SZRD1: variants seen among roughly 807,000 people sequenced by gnomAD.
SZRD1 encodes the protein SUZ RNA-binding domain-containing.
Under a neutral mutation model 17.6 loss-of-function variants are expected in SZRD1, and 7 were observed. The ratio of observed to expected loss-of-function variants is 0.40; its 90% CI spans 0.23 to 0.75. The LOEUF is 0.75. SZRD1 is among the 30% of genes least tolerant of loss of function. The pLI, the probability that SZRD1 is intolerant of heterozygous loss-of-function variation, is 0.38. For missense variants in SZRD1, 178 were observed against 201.8 expected, an observed-to-expected ratio of 0.88 and a Z score of 0.71; for synonymous variants, 77 against 77.9, an observed-to-expected ratio of 0.99 and a Z score of 0.06.
rs1229495690 is a variant in SZRD1, at chr1:16,393,117, A to G, written c.102-111A>G. The G allele has an allele frequency of 8.5e-6, 12 of 1,414,730 alleles. No individual in the cohort carries two copies. In the Admixed American group the frequency reaches 2.1e-4, roughly 24 times the overall value. The allele number at this position is 1,414,730 out of a possible 1,614,324, so 87.6% of individuals were successfully genotyped here. ...CTGGTCAGAGGCCAGAGAATCATGCATGGGTAGAATTAGGGAGGGAGAGGA... is the reference window on the plus strand; with the variant it reads ...CTGGTCAGAGGCCAGAGAATCATGCGTGGGTAGAATTAGGGAGGGAGAGGA... On this transcript the variant is annotated intron_variant, in intron 2 of 3. Transcript: ENST00000401088. This position sits in a 1 kb window ranked among gnomAD's most constrained non-coding sequence, Gnocchi z 5.6.
chr1:16,388,198 C>G (rs996152860), intron 1 of SZRD1, among the ~76,000 whole-genome samples: 1 of 152,196 alleles, frequency 6.6e-6, no homozygotes, highest in Non-Finnish European at 1.5e-5. Context: ...ACTGCAACCT[C>G]CGTCTCCCAG....
chr1:16,380,354 G>C (rs562419948), intron 1 of SZRD1, among the ~76,000 whole-genome samples: 25 of 151,420 alleles, frequency 1.7e-4, no homozygotes, highest in African/African-American at 5.4e-4. Flanking sequence ...TCCCAGGCTG[G>C]AGTGCAGTGG....
chr1:16,393,503 C>T lies in SZRD1; in HGVS notation c.356+21C>T, dbSNP rs574033898. 42 of 1,590,098 alleles carry T rather than the reference C, an allele frequency of 2.6e-5. No individual in the cohort carries two copies. Among genetic ancestry groups the T allele is most frequent in the Middle Eastern group, 3.3e-4 (2 of 6,046 alleles). ...GACAGGTGAGTGTGGCTGGCAGGGC[C>T]GGCCAGTGATGGCTGTCCCAGTCCA... On this transcript the variant is annotated intron_variant, in intron 3 of 3. Coordinates refer to ENST00000401088, the MANE Select transcript of SZRD1 (RefSeq NM_001114600.3). This position sits in a 1 kb window ranked among gnomAD's most constrained non-coding sequence, Gnocchi z 5.6.
rs955604334 is a variant in SZRD1, at chr1:16,387,085, G to T, written c.52-4290G>T. Reference sequence around the variant, plus strand: ...GTGTGAGCAGAAAATGAATGTCTGGGGAAGAATGTTGACAGCCATAATACA... The same window carrying T: ...GTGTGAGCAGAAAATGAATGTCTGGTGAAGAATGTTGACAGCCATAATACA... On this transcript the variant is annotated intron_variant, in intron 1 of 3. Coordinates refer to ENST00000401088, the MANE Select transcript of SZRD1 (RefSeq NM_001114600.3). 14 of 319,048 alleles carry T rather than the reference G, an allele frequency of 4.4e-5. No homozygotes were observed. The Admixed American group carries it at 4.9e-4, about 11-fold the overall frequency. The allele number at this position is 319,048 out of a possible 1,614,324, so 19.8% of individuals were successfully genotyped here. A position where few individuals can be genotyped will look rare whatever the true frequency, so the allele number is the denominator to read the frequency against.
intron 1 of SZRD1, chr1:16,369,224 TA>T: frequency 1.9e-6 from 1 of 518,208 alleles, no homozygotes. Flanking sequence ...TTGCTGTTAG[TA>T]ACTAGGAGCA....
At chr1:16,378,344 G>A (rs1027944840) in intron 1 of SZRD1, among the ~76,000 whole-genome samples, 1 of 145,832 alleles carries the variant, frequency 6.9e-6, no homozygotes, top group African/African-American at 2.5e-5. Context: ...GGAGTGCAGT[G>A]GTGTGATCAG....
Position 16,370,276 on chromosome 1 carries a change from A to C in SZRD1, c.51+2968A>C, listed in dbSNP as rs142802408. ...GGTCTTACTCCATTGCCCAGGCTGG[A>C]GTGCAGTGGCTCAATCTCATCTCAC... On this transcript the variant is annotated intron_variant, in intron 1 of 3. Coordinates refer to ENST00000401088, the MANE Select transcript of SZRD1 (RefSeq NM_001114600.3). 4.7e-3 allele frequency among the ~76,000 whole-genome samples: 693 copies of C among 146,274 alleles called. 6 individuals carry two copies. The highest frequency in any genetic ancestry group is 7.2e-3 in the Non-Finnish European group (482 of 66,856).
intron 1 of SZRD1, chr1:16,387,875 T>C (rs1190660509): frequency 2.8e-6 from 1 of 358,578 alleles, no homozygotes; most frequent in African/African-American, 2.1e-5. Flanking sequence ...TACAATTCCA[T>C]CAATACAGTC....
intron 1 of SZRD1, among the ~76,000 whole-genome samples, chr1:16,379,208 C>T (rs909297262): frequency 6.6e-6 from 1 of 152,060 alleles, no homozygotes; most frequent in Admixed American, 6.6e-5. Context: ...CAAGCTCCGC[C>T]TCTGGGATTC....
intron 1 of SZRD1, among the ~76,000 whole-genome samples, chr1:16,389,469 AT>A (rs57654464): frequency 5.6e-5 from 8 of 143,420 alleles, no homozygotes; most frequent in Admixed American, 1.4e-4. Flanking sequence ...CGCCTGGCTA[AT>A]TTTTTTTTTT....
At chr1:16,376,225 C>T (rs77309698) in intron 1 of SZRD1, among the ~76,000 whole-genome samples, 5,590 of 152,294 alleles carry the variant, frequency 0.037, 126 homozygotes, top group Middle Eastern at 0.095. Context: ...TTTACATTTG[C>T]TTCTCACCAG....
chr1:16,374,473 A>G (rs76100720), intron 1 of SZRD1, among the ~76,000 whole-genome samples: 1,760 of 152,344 alleles, frequency 0.012, 32 homozygotes, highest in African/African-American at 0.039. Context: ...CTGGGTATCA[A>G]GAGAGCTGCC....
At chr1:16,379,445 C>T (rs186362430) in intron 1 of SZRD1, among the ~76,000 whole-genome samples, 1 of 152,312 alleles carries the variant, frequency 6.6e-6, no homozygotes, top group Non-Finnish European at 1.5e-5. Context: ...CATAGTTGTG[C>T]AGTCAGAGGC....
chr1:16,383,347 A>G (rs2083137530), intron 1 of SZRD1, among the ~76,000 whole-genome samples: 2 of 151,708 alleles, frequency 1.3e-5, no homozygotes, highest in South Asian at 2.1e-4. Context: ...CAGCCTCCCA[A>G]GTAGCTGGGA....
chr1:16,374,379 G>T (rs1246852147), intron 1 of SZRD1, among the ~76,000 whole-genome samples: 1 of 152,216 alleles, frequency 6.6e-6, no homozygotes, highest in Non-Finnish European at 1.5e-5. Flanking sequence ...TGGCTTCAAA[G>T]AAAGGAGGAT....
chr1:16,369,343 A>G lies in SZRD1; in HGVS notation c.51+2035A>G, dbSNP rs1014099035. The stretch of plus-strand genomic sequence containing the variant: ...GTTGATCTTGCTCTTACTCCTTTCA[A>G]TGGTCGCCATCCCTCCACCAAGGTT... On this transcript the variant is annotated intron_variant, in intron 1 of 3. Transcript: ENST00000401088. The G allele has an allele frequency of 7.1e-5, 56 of 784,882 alleles. 1 individual carries two copies. In the Middle Eastern group the frequency reaches 5.9e-3, roughly 83 times the overall value. The allele number at this position is 784,882 out of a possible 1,614,324, so 48.6% of individuals were successfully genotyped here. A position where few individuals can be genotyped will look rare whatever the true frequency, so the allele number is the denominator to read the frequency against.
At chr1:16,371,052 C>T (rs2082905525) in intron 1 of SZRD1, among the ~76,000 whole-genome samples, 1 of 152,064 alleles carries the variant, frequency 6.6e-6, no homozygotes, top group Non-Finnish European at 1.5e-5. Flanking sequence ...CTTTGAATAC[C>T]CTACTCCAAA....
intron 1 of SZRD1, among the ~76,000 whole-genome samples, chr1:16,371,525 A>T (rs1272956350): frequency 6.8e-6 from 1 of 146,094 alleles, no homozygotes; most frequent in Non-Finnish European, 1.5e-5. Flanking sequence ...GCAGTGGCGC[A>T]ATCTCGGCTC....
chr1:16,385,798 G>A (rs1221855979), intron 1 of SZRD1, among the ~76,000 whole-genome samples: 6 of 152,184 alleles, frequency 3.9e-5, no homozygotes, highest in Non-Finnish European at 2.9e-5. Flanking sequence ...GGCATCAGCA[G>A]CCAGTGAAGC....
Sources: allele counts gnomAD v4.1 joint callset (sites outside exome capture counted in the v4.1 genomes callset), GRCh38; gene constraint gnomAD v4.1.1; non-coding constraint Gnocchi (gnomAD v3.1); transcripts MANE v1.5; gene names NCBI Gene and HGNC (gene_info 2026-07-23, HGNC 2026-07-21).